The following DGKD variants were observed in gnomAD, a reference collection of about 807,000 sequenced individuals.
DGKD encodes diacylglycerol kinase delta, also known as DAG kinase delta.
A neutral mutation model predicts 154.4 loss-of-function variants in DGKD; 68 were observed. The observed-to-expected ratio is 0.44, with a 90% CI of 0.36 to 0.54. DGKD has a LOEUF of 0.54. Among genes scored for constraint, DGKD ranks in the 20% least tolerant of loss-of-function variants. DGKD has a pLI of 0.00. For missense variants in DGKD, 1,343 were observed against 1,593.6 expected, an observed-to-expected ratio of 0.84 and a Z score of 2.68; for synonymous variants, 693 against 638.0, an observed-to-expected ratio of 1.09 and a Z score of -1.30.
chr2:233,460,347 T>C lies in DGKD; in HGVS notation c.2981+2T>C, dbSNP rs1041388659. ...GGCAGCAGGGGTCCTCATTCACAGGTGGGCTCCTACCCCTCTGCGTTGCGC... is the reference window on the plus strand; with the variant it reads ...GGCAGCAGGGGTCCTCATTCACAGGCGGGCTCCTACCCCTCTGCGTTGCGC... On this transcript the variant is annotated splice_donor_variant, in intron 24 of 29. Coordinates refer to ENST00000264057, the MANE Select transcript of DGKD (RefSeq NM_152879.3). LOFTEE classifies it high-confidence loss of function. The C allele has an allele frequency of 1.3e-5, 21 of 1,613,840 alleles. No homozygotes were observed. The highest frequency in any genetic ancestry group is 1.6e-5 in the Non-Finnish European group (19 of 1,179,940).
At chr2:233,396,721 G>C (rs1381306008) in intron 3 of DGKD, among the ~76,000 whole-genome samples, 1 of 152,142 alleles carries the variant, frequency 6.6e-6, no homozygotes, top group Admixed American at 6.5e-5. Context: ...ATGTGTGTCT[G>C]TGTGTTGGTG....
intron 3 of DGKD, among the ~76,000 whole-genome samples, chr2:233,425,606 A>G (rs1345766071): frequency 6.6e-6 from 1 of 152,188 alleles, no homozygotes; most frequent in Non-Finnish European, 1.5e-5. Flanking sequence ...TCTCAGTTAG[A>G]GGTGACTAAT....
At chr2:233,364,942 A>C (rs902892794) in intron 1 of DGKD, among the ~76,000 whole-genome samples, 2 of 152,236 alleles carry the variant, frequency 1.3e-5, no homozygotes, top group Non-Finnish European at 2.9e-5. Flanking sequence ...CTATGCAAAC[A>C]CTAACCAAAA....
Position 233,438,624 on chromosome 2 carries a change from G to A in DGKD, c.1085+245G>A, listed in dbSNP as rs760259246. 6.6e-6 allele frequency among the ~76,000 whole-genome samples: 1 copy of A among 152,168 alleles called. No homozygotes were observed. The highest frequency in any genetic ancestry group is 2.4e-5 in the African/African-American group (1 of 41,446). ...CATCCATGTACACACACCCATGCAC[G>A]TGCATCTTTTGAGCCAATCAGGATT... On this transcript the variant is annotated intron_variant, in intron 9 of 29. Coordinates refer to ENST00000264057, the MANE Select transcript of DGKD (RefSeq NM_152879.3). The surrounding 1 kb of genome is among the most constrained non-coding windows in gnomAD (Gnocchi z 4.1).
chr2:233,400,536 GC>G (rs2061534365), intron 3 of DGKD, among the ~76,000 whole-genome samples: 1 of 152,202 alleles, frequency 6.6e-6, no homozygotes, highest in Non-Finnish European at 1.5e-5. Flanking sequence ...CTTCCTAACT[GC>G]CTCTCCTCTC....
Position 233,457,366 on chromosome 2 carries a change from T to C in DGKD, c.2580+38T>C. 6.9e-7 allele frequency: 1 copy of C among 1,440,592 alleles called. No individual in the cohort carries two copies. Among genetic ancestry groups the C allele is most frequent in the African/African-American group, 1.4e-5 (1 of 71,586 alleles). 89.2% of individuals were successfully genotyped at this position (1,440,592 alleles called of 1,614,324 possible). A position where few individuals can be genotyped will look rare whatever the true frequency, so the allele number is the denominator to read the frequency against. On this transcript the variant is annotated intron_variant, in intron 21 of 29. Transcript: ENST00000264057. This position sits in a 1 kb window ranked among gnomAD's most constrained non-coding sequence, Gnocchi z 5.5. The stretch of plus-strand genomic sequence containing the variant: ...TGTGAGCGGGTGGGCCTGAGCTCAG[T>C]GGGGAAGAGCTGTCTGAGAGCAGGG...
chr2:233,384,996 T>G (rs945968527), intron 1 of DGKD, among the ~76,000 whole-genome samples: 1 of 152,176 alleles, frequency 6.6e-6, no homozygotes, highest in African/African-American at 2.4e-5. Context: ...TCCTCTGGTC[T>G]GAGCTCCTGG....
At chr2:233,424,077 C>T (rs2062210039) in intron 3 of DGKD, among the ~76,000 whole-genome samples, 1 of 152,124 alleles carries the variant, frequency 6.6e-6, no homozygotes, top group African/African-American at 2.4e-5. Context: ...AGAGGGGGTC[C>T]ATTCAGAATG....
At chr2:233,388,625 G>A (rs1703355963) in intron 2 of DGKD, 1 of 317,230 alleles carries the variant, frequency 3.2e-6, no homozygotes, top group Non-Finnish European at 5.7e-6. Flanking sequence ...GGGTCACAGA[G>A]ACAGCCGCGT....
At position 233,436,674 on chromosome 2, in the gene DGKD, T is replaced by A. The variant is rs114834617; in HGVS notation, c.819+233T>A. 1.6e-3 allele frequency among the ~76,000 whole-genome samples: 239 copies of A among 152,384 alleles called. 1 individual carries two copies. Among genetic ancestry groups the A allele is most frequent in the Middle Eastern group, 6.8e-3 (2 of 294 alleles). On this transcript the variant is annotated intron_variant, in intron 7 of 29. Coordinates refer to ENST00000264057, the MANE Select transcript of DGKD (RefSeq NM_152879.3). The stretch of plus-strand genomic sequence containing the variant: ...TTTAGACATATGCAGATGTGTATTG[T>A]TATGACAGATGTCACCCTGCATCAT...
intron 1 of DGKD, among the ~76,000 whole-genome samples, chr2:233,377,059 T>C (rs973874397): frequency 1.3e-5 from 2 of 151,742 alleles, no homozygotes; most frequent in Non-Finnish European, 2.9e-5. Flanking sequence ...CAAAAAGATA[T>C]TAATAGCGTA....
At chr2:233,388,007 C>T (rs1559491710) in intron 1 of DGKD, 3 of 661,986 alleles carry the variant, frequency 4.5e-6, no homozygotes, top group Non-Finnish European at 6.9e-6. Flanking sequence ...GTCCAGGGCA[C>T]ACCCTGGGCC....
At position 233,438,068 on chromosome 2, in the gene DGKD, G is replaced by T. The variant is rs2062756753; in HGVS notation, c.923-149G>T. On this transcript the variant is annotated intron_variant, in intron 8 of 29. Transcript: ENST00000264057. The surrounding 1 kb of genome is among the most constrained non-coding windows in gnomAD (Gnocchi z 4.1). ...CTCACACATGGAGACCGGCTGTGGG[G>T]AACTGTTCACTGACCTCCTCCTGAC... The T allele has an allele frequency of 3.5e-6, 3 of 869,490 alleles. No individual in the cohort carries two copies. Among genetic ancestry groups the T allele is most frequent in the South Asian group, 3.5e-5 (2 of 57,610 alleles). The allele number at this position is 869,490 out of a possible 1,614,324, so 53.9% of individuals were successfully genotyped here.
intron 3 of DGKD, among the ~76,000 whole-genome samples, chr2:233,405,677 G>T (rs2061669876): frequency 1.3e-5 from 2 of 152,180 alleles, no homozygotes; most frequent in African/African-American, 4.8e-5. Flanking sequence ...GCAGCATGAA[G>T]CCCCTCACCA....
At chr2:233,450,534 C>T (rs564025053) in intron 16 of DGKD, among the ~76,000 whole-genome samples, 8 of 152,252 alleles carry the variant, frequency 5.3e-5, no homozygotes, top group Middle Eastern at 3.4e-3. Context: ...CAGCCCACAG[C>T]GCAGGCCCTG....
In DGKD at chr2:233,440,505, G is replaced by A. The variant is rs922334273; in HGVS notation, c.1086-1382G>A. Among the ~76,000 whole-genome samples, 3 of 152,152 alleles carry A rather than the reference G, an allele frequency of 2.0e-5. No homozygotes were observed. The highest frequency in any genetic ancestry group is 7.2e-5 in the African/African-American group (3 of 41,426). On this transcript the variant is annotated intron_variant, in intron 9 of 29. Transcript: ENST00000264057. The surrounding 1 kb of genome is among the most constrained non-coding windows in gnomAD (Gnocchi z 4.9). The stretch of plus-strand genomic sequence containing the variant: ...TTCTCTGGGAACCCGGTGGGGGCAG[G>A]GTCGCAAGTCAAACTGGGCGTCCTT...
Position 233,457,056 on chromosome 2 carries a change from C to T in DGKD, c.2472+61C>T. 7.0e-7 allele frequency: 1 copy of T among 1,420,588 alleles called. No individual in the cohort carries two copies. Among genetic ancestry groups the T allele is most frequent in the Non-Finnish European group, 1.0e-6 (1 of 1,004,470 alleles). 88.0% of individuals were successfully genotyped at this position (1,420,588 alleles called of 1,614,324 possible). A position where few individuals can be genotyped will look rare whatever the true frequency, so the allele number is the denominator to read the frequency against. On this transcript the variant is annotated intron_variant, in intron 20 of 29. Transcript: ENST00000264057. The surrounding 1 kb of genome is among the most constrained non-coding windows in gnomAD (Gnocchi z 5.5). ...CTCCATCCATCAGCAGACTGCCAGG[C>T]CTATTGCTTCTCCTGTTGACCATTT...
intron 3 of DGKD, among the ~76,000 whole-genome samples, chr2:233,412,345 T>TA (rs1288934421): frequency 6.6e-6 from 1 of 151,900 alleles, no homozygotes; most frequent in Non-Finnish European, 1.5e-5. Flanking sequence ...CGTCTTTTGT[T>TA]AGATTCATTT....
At chr2:233,436,078 G>A (rs575843345) in intron 6 of DGKD, among the ~76,000 whole-genome samples, 154 bp downstream of exon 6, 16 of 152,292 alleles carry the variant, frequency 1.1e-4, no homozygotes, top group Admixed American at 5.2e-4. Context: ...TGCGGTCTCC[G>A]TGTGGTTGTC....
Sources: gnomAD v4.1 joint callset for allele counts (sites outside exome capture counted in the v4.1 genomes callset) on GRCh38, gnomAD v4.1.1 for gene constraint, Gnocchi (gnomAD v3.1) non-coding constraint, MANE v1.5 for transcripts, NCBI Gene and HGNC (gene_info 2026-07-23, HGNC 2026-07-21) for gene names.